HS2ST1: variants seen among roughly 807,000 people sequenced by gnomAD.
HS2ST1 encodes the protein heparan sulfate 2-O-sulfotransferase 1.
Under a neutral mutation model 42.9 loss-of-function variants are expected in HS2ST1, and 18 were observed. The ratio of observed to expected loss-of-function variants is 0.42; its 90% CI spans 0.29 to 0.62. The LOEUF is 0.62. Among genes scored for constraint, HS2ST1 ranks in the 20% least tolerant of loss-of-function variants. HS2ST1 has a pLI of 0.21. For synonymous variants in HS2ST1, 146 were observed against 152.9 expected (o/e 0.95, Z 0.33); for missense variants, 334 against 433.8 (o/e 0.77, Z 2.04).
intron 1 of HS2ST1, among the ~76,000 whole-genome samples, chr1:87,016,744 C>G (rs1649770812): frequency 6.6e-6 from 1 of 152,144 alleles, no homozygotes; most frequent in African/African-American, 2.4e-5. Flanking sequence ...TTCACCCGTG[C>G]CCCCATTCTA....
At chr1:86,915,296 A>C in intron 1 of HS2ST1, 136 bp downstream of exon 1, 1 of 959,632 alleles carries the variant, frequency 1.0e-6, no homozygotes, top group Non-Finnish European at 1.5e-6. Flanking sequence ...ACCGGGAACA[A>C]GGGGCAGCGA....
intron 1 of HS2ST1, among the ~76,000 whole-genome samples, chr1:87,040,405 A>T (rs2100603905): frequency 6.6e-6 from 1 of 152,186 alleles, no homozygotes; most frequent in East Asian, 1.9e-4. Flanking sequence ...TTTTCCTTCT[A>T]ATATGCCCAT....
chr1:87,046,133 A>G (rs1650655813), intron 1 of HS2ST1: 3 of 703,154 alleles, frequency 4.3e-6, no homozygotes, highest in Admixed American at 3.6e-5. Flanking sequence ...TGAATGCTTT[A>G]GATAACAGAG....
intron 3 of HS2ST1, among the ~76,000 whole-genome samples, chr1:87,091,040 C>T (rs1477447788): frequency 1.3e-5 from 2 of 151,976 alleles, no homozygotes; most frequent in Non-Finnish European, 2.9e-5. Flanking sequence ...CTCCTTTGCA[C>T]TTTTTACCAT....
At position 86,985,383 on chromosome 1, in the gene HS2ST1, T is replaced by C. The variant is rs199765764; in HGVS notation, c.124+70223T>C. Among the ~76,000 whole-genome samples the C allele has an allele frequency of 4.5e-4, 20 of 44,754 alleles. 5 individuals carry two copies. Among genetic ancestry groups the C allele is most frequent in the South Asian group, 2.3e-3 (2 of 888 alleles). 29.4% of individuals were successfully genotyped at this position (44,754 alleles called of 152,430 possible). A position where few individuals can be genotyped will look rare whatever the true frequency, so the allele number is the denominator to read the frequency against. ...AAAAAAAAAAGTATATATATATATA[T>C]ACACACACACACACACATATATATA... On this transcript the variant is annotated intron_variant, in intron 1 of 6. Transcript: ENST00000370550.
At chr1:87,033,407 CATA>C (rs1368363124) in intron 1 of HS2ST1, among the ~76,000 whole-genome samples, 17 of 152,220 alleles carry the variant, frequency 1.1e-4, no homozygotes, top group African/African-American at 3.6e-4. Flanking sequence ...GACCATGTCA[CATA>C]ATAACTACAT....
At chr1:87,015,354 T>TTG (rs1649722486) in intron 1 of HS2ST1, among the ~76,000 whole-genome samples, 1 of 149,596 alleles carries the variant, frequency 6.7e-6, no homozygotes, top group African/African-American at 2.5e-5. Context: ...CCCTGTTTTT[T>TTG]TTTTTTTTTT....
intron 1 of HS2ST1, among the ~76,000 whole-genome samples, chr1:86,927,404 T>C (rs947949124): frequency 2.0e-5 from 3 of 152,152 alleles, no homozygotes; most frequent in Non-Finnish European, 4.4e-5. Context: ...ACTCTTGGCT[T>C]CTCCTGTGGG....
chr1:87,061,369 AC>A (rs1651118657), intron 1 of HS2ST1, among the ~76,000 whole-genome samples: 1 of 151,952 alleles, frequency 6.6e-6, no homozygotes. Flanking sequence ...TCCAAAGGAA[AC>A]CCCATCACCG....
chr1:86,971,874 T>C (rs1489799870), intron 1 of HS2ST1, among the ~76,000 whole-genome samples: 1 of 152,286 alleles, frequency 6.6e-6, no homozygotes, highest in East Asian at 1.9e-4. Context: ...TCAGAAGATA[T>C]GAAAACTATC....
At chr1:86,936,933 T>TAA (rs60940882) in intron 1 of HS2ST1, among the ~76,000 whole-genome samples, 11,933 of 98,168 alleles carry the variant, frequency 0.12, 671 homozygotes, top group Non-Finnish European at 0.14. Flanking sequence ...CCGTCTCTAC[T>TAA]AAAAAAAAAA....
At chr1:86,964,868 T>C (rs1447645289) in intron 1 of HS2ST1, among the ~76,000 whole-genome samples, 1 of 152,182 alleles carries the variant, frequency 6.6e-6, no homozygotes, top group Non-Finnish European at 1.5e-5. Flanking sequence ...ATGTTAGTAA[T>C]AGTAGATACA....
intron 1 of HS2ST1, among the ~76,000 whole-genome samples, chr1:86,939,638 C>T (rs1325462712): frequency 6.6e-6 from 1 of 152,182 alleles, no homozygotes; most frequent in Non-Finnish European, 1.5e-5. Flanking sequence ...GATTGATTGC[C>T]TTAGGGTGTG....
intron 1 of HS2ST1, among the ~76,000 whole-genome samples, chr1:86,928,238 T>G (rs1338509592): frequency 2.0e-5 from 3 of 151,984 alleles, no homozygotes; most frequent in African/African-American, 4.8e-5. Context: ...ATCGTAAGTT[T>G]TCAGTGATAA....
chr1:86,916,206 A>G (rs1660154315), intron 1 of HS2ST1, among the ~76,000 whole-genome samples: 9 of 152,232 alleles, frequency 5.9e-5, no homozygotes, highest in Admixed American at 5.9e-4. Flanking sequence ...AAAAATGTAC[A>G]TGGCACTTAA....
intron 3 of HS2ST1, among the ~76,000 whole-genome samples, chr1:87,088,012 G>T (rs563087746): frequency 6.6e-6 from 1 of 152,192 alleles, no homozygotes; most frequent in African/African-American, 2.4e-5. Flanking sequence ...TCATGGGGTG[G>T]TGGTGAGGAT....
chr1:86,986,239 TTATC>T (rs557700512), intron 1 of HS2ST1, among the ~76,000 whole-genome samples: 10 of 152,054 alleles, frequency 6.6e-5, no homozygotes, highest in Middle Eastern at 6.8e-3. Context: ...ATATAAATAT[TTATC>T]TATGTAAATT....
intron 1 of HS2ST1, among the ~76,000 whole-genome samples, chr1:87,040,830 A>T (rs1650501239): frequency 6.6e-6 from 1 of 152,134 alleles, no homozygotes; most frequent in South Asian, 2.1e-4. Context: ...GACACCTCAA[A>T]AAACTGTAAA....
Position 87,108,727 on chromosome 1 carries a change from C to A in HS2ST1, c.*4031C>A, listed in dbSNP as rs777404146. On this transcript the variant is annotated 3_prime_UTR_variant, in exon 7 of 7. Transcript: ENST00000370550. ...TTTGCAGTACTATTTATAAAATGGA[C>A]CCTGATGGTGATGAACTCTTTAGAA... is the stretch of plus-strand genomic sequence containing the variant. 6.6e-6 allele frequency: 1 copy of A among 152,028 alleles called. No individual in the cohort carries two copies. Among genetic ancestry groups the A allele is most frequent in the Non-Finnish European group, 1.5e-5 (1 of 67,926 alleles). 9.4% of individuals were successfully genotyped at this position (152,028 alleles called of 1,614,324 possible).
Sources: allele counts gnomAD v4.1 joint callset (sites outside exome capture counted in the v4.1 genomes callset), GRCh38; gene constraint gnomAD v4.1.1; transcripts MANE v1.5; gene names NCBI Gene and HGNC (gene_info 2026-07-23, HGNC 2026-07-21).